NKAIN3: variants seen among roughly 807,000 people sequenced by gnomAD.
The protein encoded by NKAIN3 is sodium/potassium transporting ATPase interacting 3.
NKAIN3 carries 25 observed loss-of-function variants against 30.2 expected under a neutral mutation model. That is an observed-to-expected ratio of 0.83 (90% CI 0.60 to 1.16). The LOEUF is 1.16. Ranked by LOEUF, NKAIN3 falls within the 50% of genes most tolerant of loss-of-function variation. The pLI is 0.00. For missense variants in NKAIN3, 225 were observed against 254.1 expected, an observed-to-expected ratio of 0.89 and a Z score of 0.78; for synonymous variants, 91 against 89.6, an observed-to-expected ratio of 1.02 and a Z score of -0.09.
intron 3 of NKAIN3, among the ~76,000 whole-genome samples, chr8:62,744,203 C>T (rs538689850): frequency 6.6e-6 from 1 of 152,142 alleles, no homozygotes; most frequent in Non-Finnish European, 1.5e-5. Context: ...CATGCCAAAT[C>T]ACTATATTTG....
At chr8:62,530,117 T>C (rs893261479) in intron 1 of NKAIN3, among the ~76,000 whole-genome samples, 1 of 152,096 alleles carries the variant, frequency 6.6e-6, no homozygotes, top group Non-Finnish European at 1.5e-5. Context: ...GACAACAGTA[T>C]AAAGTTAGGA....
chr8:62,411,327 C>G (rs537199563), intron 1 of NKAIN3, among the ~76,000 whole-genome samples: 5 of 152,178 alleles, frequency 3.3e-5, no homozygotes, highest in African/African-American at 1.2e-4. Context: ...GATGGAGAAA[C>G]AGCTTTTGAT....
chr8:62,478,448 A>C (rs1806592740), intron 1 of NKAIN3, among the ~76,000 whole-genome samples: 1 of 152,158 alleles, frequency 6.6e-6, no homozygotes, highest in Admixed American at 6.5e-5. Flanking sequence ...GGCCCCATAA[A>C]ATATATAATT....
At chr8:62,584,996 G>A (rs372883050) in intron 2 of NKAIN3, among the ~76,000 whole-genome samples, 9 of 152,068 alleles carry the variant, frequency 5.9e-5, no homozygotes, top group African/African-American at 2.2e-4. Context: ...TACTTGATTG[G>A]GCAAACAATA....
At chr8:62,634,271 C>T (rs189053603) in intron 3 of NKAIN3, among the ~76,000 whole-genome samples, 1 of 152,158 alleles carries the variant, frequency 6.6e-6, no homozygotes, top group Admixed American at 6.6e-5. Context: ...ATACTAGACA[C>T]CTTACCCATC....
intron 4 of NKAIN3, among the ~76,000 whole-genome samples, chr8:62,796,467 T>C (rs1817865756): frequency 6.8e-6 from 1 of 146,470 alleles, no homozygotes. Flanking sequence ...TCAAGGCTGC[T>C]CAATTTGTCT....
At chr8:62,713,135 T>C (rs1485907058) in intron 3 of NKAIN3, among the ~76,000 whole-genome samples, 2 of 152,140 alleles carry the variant, frequency 1.3e-5, no homozygotes, top group African/African-American at 4.8e-5. Context: ...ATGGGTCCTT[T>C]TGGGATTGCT....
chr8:62,289,724 G>A (rs182662302), intron 1 of NKAIN3, among the ~76,000 whole-genome samples: 1,573 of 152,148 alleles, frequency 0.01, 25 homozygotes, highest in African/African-American at 0.034. Flanking sequence ...TTGGCAATGT[G>A]GGCTATTTTT....
In NKAIN3 at chr8:62,979,256, G is replaced by A. The variant is rs1035681734; in HGVS notation, c.*13849G>A. On this transcript the variant is annotated 3_prime_UTR_variant, in exon 7 of 7. Coordinates refer to ENST00000623646, the MANE Select transcript of NKAIN3 (RefSeq NM_001304533.3). ...GAGAGAGAAACAGAAACAGAGACAA[G>A]GAGACAGAGACAGTGAAACAGAAAC... 1 of 152,268 alleles carries A rather than the reference G, an allele frequency of 6.6e-6. No individual in the cohort carries two copies. The highest frequency in any genetic ancestry group is 1.5e-5 in the Non-Finnish European group (1 of 68,090). 9.4% of individuals were successfully genotyped at this position (152,268 alleles called of 1,614,324 possible). A position where few individuals can be genotyped will look rare whatever the true frequency, so the allele number is the denominator to read the frequency against.
chr8:62,399,013 C>T (rs1563380801), intron 1 of NKAIN3, among the ~76,000 whole-genome samples: 1 of 152,184 alleles, frequency 6.6e-6, no homozygotes, highest in East Asian at 1.9e-4. Context: ...ATCACTTGAA[C>T]CCGGAAGGCA....
At position 62,407,900 on chromosome 8, in the gene NKAIN3, C is replaced by T. The variant is rs182423428; in HGVS notation, c.54+158773C>T. 5.7e-4 allele frequency among the ~76,000 whole-genome samples: 87 copies of T among 152,220 alleles called. No homozygotes were observed. In the East Asian group the frequency reaches 6.2e-3, roughly 11 times the overall value. Reference sequence around the variant, plus strand: ...CATATATTTGGTCTATGTGGTGGCACGTGTCCCTAATAGCTACCAGGAGGC... The same window carrying T: ...CATATATTTGGTCTATGTGGTGGCATGTGTCCCTAATAGCTACCAGGAGGC... On this transcript the variant is annotated intron_variant, in intron 1 of 6. Coordinates refer to ENST00000623646, the MANE Select transcript of NKAIN3 (RefSeq NM_001304533.3).
intron 1 of NKAIN3, among the ~76,000 whole-genome samples, chr8:62,555,009 TATACACACACACAC>T (rs1189350250): frequency 0.011 from 1,144 of 104,742 alleles, 16 homozygotes; most frequent in African/African-American, 0.035. Flanking sequence ...TGGCAGAATC[TATACACACACACAC>T]ACACACACAC....
At chr8:62,434,193 T>C (rs931228237) in intron 1 of NKAIN3, among the ~76,000 whole-genome samples, 4 of 152,190 alleles carry the variant, frequency 2.6e-5, no homozygotes, top group Non-Finnish European at 5.9e-5. Context: ...AGCACCACTC[T>C]TCTTAAGACT....
chr8:62,964,349 T>C (rs566787357), intron 6 of NKAIN3, among the ~76,000 whole-genome samples: 63 of 152,294 alleles, frequency 4.1e-4, no homozygotes, highest in African/African-American at 1.4e-3. Flanking sequence ...TAGTAGGTAC[T>C]GTGTTGAGGT....
chr8:62,855,865 G>T (rs778397135), intron 4 of NKAIN3: 50 of 777,790 alleles, frequency 6.4e-5, no homozygotes, highest in Non-Finnish European at 1.1e-4. Context: ...TCCTCTTCCT[G>T]TGGCACCAAA....
In NKAIN3 at chr8:62,866,123, C is replaced by T. The variant is rs142863962; in HGVS notation, c.472-52330C>T. 6.5e-3 allele frequency among the ~76,000 whole-genome samples: 994 copies of T among 152,254 alleles called. 11 individuals are homozygous for T. The highest frequency in any genetic ancestry group is 0.023 in the African/African-American group (950 of 41,542). ...TTTTTAAAGAAAAAGAGGGATTTCA[C>T]TTTAAAAATGTAAAGGCTTAGTACC... On this transcript the variant is annotated intron_variant, in intron 4 of 6. Coordinates refer to ENST00000623646, the MANE Select transcript of NKAIN3 (RefSeq NM_001304533.3).
chr8:62,482,977 C>A (rs999593521), intron 1 of NKAIN3: 2 of 152,136 alleles, frequency 1.3e-5, no homozygotes, highest in Non-Finnish European at 2.9e-5. Context: ...TTTGAATTAA[C>A]TCCCACACTG....
At chr8:62,609,655 G>GA (rs926654034) in intron 3 of NKAIN3, among the ~76,000 whole-genome samples, 4 of 151,986 alleles carry the variant, frequency 2.6e-5, no homozygotes, top group Non-Finnish European at 2.9e-5. Context: ...GCTATCAAGA[G>GA]AAAAAAACAA....
intron 1 of NKAIN3, among the ~76,000 whole-genome samples, chr8:62,530,634 T>A (rs187019984): frequency 1.3e-5 from 2 of 152,056 alleles, no homozygotes; most frequent in East Asian, 3.9e-4. Flanking sequence ...ATTTATTATT[T>A]ATTTATTTAT....
Sources: gnomAD v4.1 joint callset for allele counts (sites outside exome capture counted in the v4.1 genomes callset) on GRCh38, gnomAD v4.1.1 for gene constraint, MANE v1.5 for transcripts, NCBI Gene and HGNC (gene_info 2026-07-23, HGNC 2026-07-21) for gene names.